RGS12: variants seen among roughly 807,000 people sequenced by gnomAD.
RGS12 encodes regulator of G-protein signaling 12.
RGS12 carries 66 observed loss-of-function variants against 120.1 expected under a neutral mutation model. The observed-to-expected ratio is 0.55, with a 90% CI of 0.45 to 0.67. RGS12 has a LOEUF of 0.67. Ranked by LOEUF, RGS12 falls within the 30% of genes least tolerant of loss-of-function variation. The probability of loss-of-function intolerance (pLI) is 0.00; values close to 1 mark genes in which losing one functional copy is unlikely to be tolerated. For synonymous variants in RGS12, 827 were observed against 804.7 expected (o/e 1.03, Z -0.47); for missense variants, 1,859 against 1,957.7 (o/e 0.95, Z 0.95).
chr4:3,435,004 TAGGCACCACCCC>T (rs1724671507), intron 17 of RGS12, among the ~76,000 whole-genome samples: 1 of 152,064 alleles, frequency 6.6e-6, no homozygotes, highest in Non-Finnish European at 1.5e-5. Flanking sequence ...AGGGAGATGC[TAGGCACCACCCC>T]AGGAGGGGTC....
At chr4:3,319,105 A>G (rs1051230969) in intron 2 of RGS12, among the ~76,000 whole-genome samples, 2 of 152,086 alleles carry the variant, frequency 1.3e-5, no homozygotes, top group African/African-American at 4.8e-5. Context: ...GTTTTCCATG[A>G]TGAAATGTAG....
chr4:3,352,161 C>T (rs1005013865), intron 3 of RGS12, among the ~76,000 whole-genome samples: 1 of 152,140 alleles, frequency 6.6e-6, no homozygotes, highest in Non-Finnish European at 1.5e-5. Context: ...GGGACATTGT[C>T]CTTATACCAG....
intron 2 of RGS12, among the ~76,000 whole-genome samples, chr4:3,318,934 A>G (rs898462555): frequency 4.6e-5 from 7 of 151,014 alleles, no homozygotes; most frequent in African/African-American, 1.5e-4. Flanking sequence ...CAGAGAAACT[A>G]CTCCGGCTGT....
upstream of RGS12, among the ~76,000 whole-genome samples, chr4:3,290,576 G>A (rs780707041): frequency 3.9e-5 from 6 of 152,238 alleles, no homozygotes; most frequent in South Asian, 2.1e-4. Flanking sequence ...CCCGAGTCCC[G>A]TGGAAGAATT....
At chr4:3,343,107 G>GGTGGACTTGCAT in intron 3 of RGS12, 54 bp downstream of exon 3, 1 of 1,346,448 alleles carries the variant, frequency 7.4e-7, no homozygotes, top group Non-Finnish European at 1.1e-6. Context: ...AAAAATGCAA[G>GGTGGACTTGCAT]TCCACCTTGC....
At chr4:3,301,620 TCCGAGGGCCGGGGATGGACAGTGAGGCC>T (rs1223592568) in intron 1 of RGS12, among the ~76,000 whole-genome samples, 1 of 128,718 alleles carries the variant, frequency 7.8e-6, no homozygotes, top group Non-Finnish European at 1.6e-5. Flanking sequence ...GAGGCCGGGG[TCCGAGGGCCGGGGATGGACAGTGAGGCC>T]GGGGTCCGAG....
At chr4:3,309,148 T>C (rs1255417844) in intron 1 of RGS12, among the ~76,000 whole-genome samples, 363 of 23,988 alleles carry the variant, frequency 0.015, no homozygotes, top group African/African-American at 0.062. Context: ...GGCAGGTGTC[T>C]GCTGAGGGGA....
chr4:3,431,252 C>T, intron 17 of RGS12: 1 of 1,279,314 alleles, frequency 7.8e-7, no homozygotes, highest in Non-Finnish European at 9.9e-7. Context: ...TCTGGGAACA[C>T]CCTGGGTGAG....
Position 3,365,060 on chromosome 4 carries a change from G to A in RGS12, c.1999-21356G>A, listed in dbSNP as rs1407381629. Among the ~76,000 whole-genome samples the A allele has an allele frequency of 6.6e-6, 1 of 152,158 alleles. No individual in the cohort carries two copies. Among genetic ancestry groups the A allele is most frequent in the Non-Finnish European group, 1.5e-5 (1 of 68,026 alleles). ...GCAGAAGGGGCATCCTGGGTGACAG[G>A]AGGATGAGGTGACGGCGGTTTGCAG... On this transcript the variant is annotated intron_variant, in intron 3 of 17. Coordinates refer to ENST00000336727, the MANE Select transcript of RGS12 (RefSeq NM_001394154.1). This position sits in a 1 kb window ranked among gnomAD's most constrained non-coding sequence, Gnocchi z 4.0.
In RGS12 at chr4:3,316,218, G is replaced by A. The variant is rs527568080; in HGVS notation, c.48G>A (p.Ser16=). 6.4e-5 allele frequency: 103 copies of A among 1,599,238 alleles called. 1 individual carries two copies. The highest frequency in any genetic ancestry group is 1.7e-4 in the Middle Eastern group (1 of 5,976). The change falls in exon 2 of 18, where the codon TCG becomes TCA. Residue 16 remains serine (S), a synonymous_variant. Transcript: ENST00000336727. ...EASKRPLPGP[S]PPRVRSVEVA... is the part of the protein sequence containing the mutation. ...CCAAACGCCCATTGCCTGGGCCGTC[G>A]CCCCCAAGGGTGCGGAGTGTGGAGG... is the stretch of plus-strand genomic sequence containing the variant.
chr4:3,399,479 G>A (rs776766504), intron 4 of RGS12, among the ~76,000 whole-genome samples: 25 of 151,948 alleles, frequency 1.6e-4, no homozygotes, highest in Non-Finnish European at 3.2e-4. Context: ...AAGAGGAAGA[G>A]GACAAAGATA....
intron 3 of RGS12, among the ~76,000 whole-genome samples, chr4:3,371,268 C>T (rs1026380982): frequency 2.4e-4 from 36 of 152,264 alleles, no homozygotes; most frequent in African/African-American, 8.7e-4. Context: ...TTCTTTGGGG[C>T]GTGCCTGCCG....
intron 3 of RGS12, among the ~76,000 whole-genome samples, chr4:3,356,577 T>C (rs1402648956): frequency 6.7e-6 from 1 of 149,180 alleles, no homozygotes; most frequent in Non-Finnish European, 1.5e-5. Flanking sequence ...CTACTTTCTA[T>C]CTCTATGATT....
chr4:3,407,690 G>A (rs1016489540), intron 4 of RGS12: 2 of 152,262 alleles, frequency 1.3e-5, no homozygotes, highest in Non-Finnish European at 2.9e-5. Context: ...GGGGCCCATA[G>A]GGGTGCCTGT....
At chr4:3,367,952 G>A (rs1425078096) in intron 3 of RGS12, among the ~76,000 whole-genome samples, 2 of 152,246 alleles carry the variant, frequency 1.3e-5, no homozygotes, top group African/African-American at 4.8e-5. Context: ...GTGAAATTGT[G>A]TTTCTTCCTT....
intron 13 of RGS12, 87 bp downstream of exon 13, chr4:3,423,728 A>G: frequency 6.7e-7 from 1 of 1,501,026 alleles, no homozygotes; most frequent in East Asian, 2.3e-5. Context: ...TGAAGAGGGC[A>G]CACCAAGAAG....
At chr4:3,299,196 G>A (rs1265949843) in intron 1 of RGS12, among the ~76,000 whole-genome samples, 1 of 151,858 alleles carries the variant, frequency 6.6e-6, no homozygotes, top group Non-Finnish European at 1.5e-5. Flanking sequence ...TGGACTCTGG[G>A]GTCTCTCTGT....
chr4:3,401,599 C>CG (rs1720593110), intron 4 of RGS12, among the ~76,000 whole-genome samples: 1 of 152,202 alleles, frequency 6.6e-6, no homozygotes, highest in Non-Finnish European at 1.5e-5. Flanking sequence ...GGTTTTACAG[C>CG]GGGGGGAGTG....
At position 3,316,760 on chromosome 4, in the gene RGS12, A is replaced by C. The variant is rs562635419; in HGVS notation, c.590A>C (p.Glu197Ala). The change falls in exon 2 of 18, where the codon GAG (glutamate) becomes GCG (alanine). Residue 197 changes from glutamate (E) to alanine (A), a missense_variant. This residue lies in a region of RGS12 where 967 missense variants were observed against 994.2 expected (regional missense o/e 0.97). Coordinates refer to ENST00000336727, the MANE Select transcript of RGS12 (RefSeq NM_001394154.1). ...NNPNPNMLSK[E>A]EISKVIHDDS... is the part of the protein sequence containing the mutation. ...CCAAATCCCAACATGCTTTCTAAGG[A>C]GGAAATATCAAAAGTTATTCATGAT... is the stretch of plus-strand genomic sequence containing the variant. 95 of 1,614,244 alleles carry C rather than the reference A, an allele frequency of 5.9e-5. 1 individual carries two copies. In the South Asian group the frequency reaches 6.9e-4, roughly 12 times the overall value.
Sources: allele counts gnomAD v4.1 joint callset (sites outside exome capture counted in the v4.1 genomes callset), GRCh38; gene constraint gnomAD v4.1.1; regional missense constraint gnomAD v4.1.1; non-coding constraint Gnocchi (gnomAD v3.1); transcripts MANE v1.5; gene names NCBI Gene and HGNC (gene_info 2026-07-23, HGNC 2026-07-21).